The following COL11A1 variants were observed in gnomAD, a reference collection of about 807,000 sequenced individuals.
COL11A1 encodes collagen type XI alpha 1 chain.
Under a neutral mutation model 265.2 loss-of-function variants are expected in COL11A1, and 74 were observed. That is an observed-to-expected ratio of 0.28 (90% CI 0.23 to 0.34). The LOEUF is 0.34. COL11A1 is among the 10% of genes least tolerant of loss of function. COL11A1 has a pLI of 1.00. For synonymous variants in COL11A1, 816 were observed against 727.6 expected (o/e 1.12, Z -1.96); for missense variants, 2,165 against 2,263.6 (o/e 0.96, Z 0.88).
intron 56 of COL11A1, 49 bp downstream of exon 56, chr1:102,898,617 A>C: frequency 6.6e-7 from 1 of 1,520,598 alleles, no homozygotes; most frequent in Non-Finnish European, 9.1e-7. Context: ...ATTTTTTTAA[A>C]ATAAAAATGT....
intron 4 of COL11A1, among the ~76,000 whole-genome samples, chr1:103,065,522 CAAAAAA>C (rs138446065): frequency 5.7e-5 from 2 of 35,350 alleles, no homozygotes; most frequent in African/African-American, 2.7e-4. Flanking sequence ...GACTCCGTCT[CAAAAAA>C]AAAAAAAAAA....
intron 1 of COL11A1, among the ~76,000 whole-genome samples, chr1:103,104,152 T>C (rs1361914617): frequency 6.6e-6 from 1 of 152,100 alleles, no homozygotes; most frequent in East Asian, 1.9e-4. Flanking sequence ...TTTTTAACCT[T>C]TTAAAAATTC....
intron 44 of COL11A1, among the ~76,000 whole-genome samples, chr1:102,937,347 G>A (rs1362070253): frequency 6.6e-6 from 1 of 151,384 alleles, no homozygotes; most frequent in Admixed American, 6.6e-5. Flanking sequence ...CTTCTGTCGA[G>A]TGTATAAGGT....
At chr1:102,882,321 C>T (rs1041470260) in intron 64 of COL11A1, among the ~76,000 whole-genome samples, 2 of 152,132 alleles carry the variant, frequency 1.3e-5, no homozygotes, top group Non-Finnish European at 2.9e-5. Context: ...GTATATAAGT[C>T]TTCACAATAG....
At chr1:102,889,234 AT>A (rs1651413903) in intron 59 of COL11A1, among the ~76,000 whole-genome samples, 1 of 152,148 alleles carries the variant, frequency 6.6e-6, no homozygotes, top group Non-Finnish European at 1.5e-5. Context: ...TGTTTAAATA[AT>A]ACTCAACTGT....
intron 36 of COL11A1, among the ~76,000 whole-genome samples, chr1:102,972,330 C>A (rs1662046572): frequency 6.6e-6 from 1 of 151,810 alleles, no homozygotes; most frequent in Admixed American, 6.6e-5. Flanking sequence ...CTCATATTTG[C>A]TGACATAGAT....
At chr1:102,958,225 C>G (rs960320658) in intron 41 of COL11A1, among the ~76,000 whole-genome samples, 1 of 152,014 alleles carries the variant, frequency 6.6e-6, no homozygotes, top group African/African-American at 2.4e-5. Flanking sequence ...ACCAACTGAT[C>G]AAATACTTCC....
chr1:103,082,382 C>T (rs1672483759), intron 2 of COL11A1, among the ~76,000 whole-genome samples: 2 of 152,050 alleles, frequency 1.3e-5, no homozygotes, highest in African/African-American at 2.4e-5. Flanking sequence ...CATTCAAATG[C>T]CCATTAAATT....
chr1:102,921,582 G>C lies in COL11A1; in HGVS notation c.3655-11C>G. ...AGGACCAGGTGGCCCCTGTAAGAGA[G>C]AAATATTGAGGTTTACAAAGACCAA... On this transcript the variant is annotated splice_polypyrimidine_tract_variant and intron_variant, in intron 47 of 66. Coordinates refer to ENST00000370096, the MANE Select transcript of COL11A1 (RefSeq NM_001854.4). 2 of 1,609,760 alleles carry C rather than the reference G, an allele frequency of 1.2e-6. No individual in the cohort carries two copies. Among genetic ancestry groups the C allele is most frequent in the Non-Finnish European group, 1.7e-6 (2 of 1,177,554 alleles).
chr1:103,001,307 G>A (rs976310658), intron 24 of COL11A1: 4 of 396,302 alleles, frequency 1.0e-5, no homozygotes, highest in Admixed American at 4.4e-5. Flanking sequence ...TAATTAATAT[G>A]TTTGTAGAAA....
At chr1:102,902,252 T>C (rs1261668614) in intron 54 of COL11A1, among the ~76,000 whole-genome samples, 1 of 152,098 alleles carries the variant, frequency 6.6e-6, no homozygotes, top group Non-Finnish European at 1.5e-5. Context: ...AGTCAGAATA[T>C]TAGGGTGCAT....
At chr1:103,087,089 T>C (rs1419940161) in intron 1 of COL11A1, among the ~76,000 whole-genome samples, 3 of 152,224 alleles carry the variant, frequency 2.0e-5, no homozygotes, top group Non-Finnish European at 4.4e-5. Context: ...AGTAATTTTA[T>C]GGCTAAATAT....
chr1:103,016,952 T>G (rs987072482), intron 11 of COL11A1, among the ~76,000 whole-genome samples: 1 of 151,984 alleles, frequency 6.6e-6, no homozygotes, highest in African/African-American at 2.4e-5. Flanking sequence ...TCACCTGATA[T>G]AGAGTTTAAG....
At chr1:102,986,488 A>G (rs1663563397) in intron 30 of COL11A1, among the ~76,000 whole-genome samples, 1 of 151,990 alleles carries the variant, frequency 6.6e-6, no homozygotes, top group Non-Finnish European at 1.5e-5. Context: ...GGTGCAGCAC[A>G]CCAACATGGC....
chr1:103,020,875 G>C (rs1337099142), intron 9 of COL11A1, among the ~76,000 whole-genome samples: 3 of 136,346 alleles, frequency 2.2e-5, no homozygotes, highest in Non-Finnish European at 4.8e-5. Context: ...GTTTTTGTCA[G>C]GTTTGTCAAA....
intron 46 of COL11A1, among the ~76,000 whole-genome samples, chr1:102,932,451 C>T (rs547307648): frequency 0.053 from 8,040 of 152,168 alleles, 792 homozygotes; most frequent in African/African-American, 0.18. Context: ...GGGCTTCTGC[C>T]GAGAGATCCG....
At chr1:102,967,718 G>C (rs1322738190) in intron 37 of COL11A1, among the ~76,000 whole-genome samples, 1 of 151,908 alleles carries the variant, frequency 6.6e-6, no homozygotes, top group African/African-American at 2.4e-5. Context: ...CCTCTGTCTG[G>C]GTTATTCTTC....
intron 49 of COL11A1, among the ~76,000 whole-genome samples, chr1:102,918,133 T>C (rs1037819151): frequency 1.3e-5 from 2 of 151,518 alleles, no homozygotes; most frequent in African/African-American, 4.8e-5. Context: ...ATAATTAATA[T>C]GTTTTATGAT....
In COL11A1 at chr1:102,879,733, TCTC is replaced by T. The variant is rs766041872; in HGVS notation, c.5221_5223del (p.Glu1741del). On this transcript the variant is annotated inframe_deletion, in exon 66 of 67. Coordinates refer to ENST00000370096, the MANE Select transcript of COL11A1 (RefSeq NM_001854.4). ...ATAAAAGGATTATTGTCATAGGACATCTCCTCATCATTTGATCCCAGGAAGCGA... is the reference window on the plus strand; with the variant it reads ...ATAAAAGGATTATTGTCATAGGACATCTCATCATTTGATCCCAGGAAGCGA... 2 of 1,613,936 alleles carry T rather than the reference TCTC, an allele frequency of 1.2e-6. No homozygotes were observed. Among genetic ancestry groups the T allele is most frequent in the South Asian group, 2.2e-5 (2 of 91,088 alleles).
Sources: gnomAD v4.1 joint callset for allele counts (sites outside exome capture counted in the v4.1 genomes callset) on GRCh38, gnomAD v4.1.1 for gene constraint, MANE v1.5 for transcripts, NCBI Gene and HGNC (gene_info 2026-07-23, HGNC 2026-07-21) for gene names.